Variants in CLSTN2 observed in about 807,000 individuals in gnomAD.
The protein encoded by CLSTN2 is calsyntenin 2, also known as calsyntenin-2.
Under a neutral mutation model 101.2 loss-of-function variants are expected in CLSTN2, and 48 were observed. The ratio of observed to expected loss-of-function variants is 0.47; its 90% CI spans 0.38 to 0.60. CLSTN2 has a LOEUF of 0.60. CLSTN2 is among the 20% of genes least tolerant of loss of function. The pLI, the probability that CLSTN2 is intolerant of heterozygous loss-of-function variation, is 0.00. For missense variants in CLSTN2, 1,160 were observed against 1,238.2 expected, an observed-to-expected ratio of 0.94 and a Z score of 0.95; for synonymous variants, 481 against 463.6, an observed-to-expected ratio of 1.04 and a Z score of -0.48.
At chr3:140,207,422 T>C (rs2010797706) in intron 2 of CLSTN2, among the ~76,000 whole-genome samples, 2 of 152,194 alleles carry the variant, frequency 1.3e-5, no homozygotes, top group Admixed American at 1.3e-4. Context: ...GAAAACTTTG[T>C]GACCTTTAAT....
chr3:140,346,106 C>T (rs993089205), intron 2 of CLSTN2, among the ~76,000 whole-genome samples: 1 of 152,146 alleles, frequency 6.6e-6, no homozygotes, highest in Admixed American at 6.6e-5. Flanking sequence ...AGCCCCAAAC[C>T]CTGCTGTCTC....
At chr3:139,961,338 G>A (rs1474060310) in intron 1 of CLSTN2, among the ~76,000 whole-genome samples, 1 of 152,204 alleles carries the variant, frequency 6.6e-6, no homozygotes, top group Non-Finnish European at 1.5e-5. Flanking sequence ...TTGTGCACGT[G>A]TTTGTGTGTC....
At chr3:139,953,991 G>C (rs1257877295) in intron 1 of CLSTN2, among the ~76,000 whole-genome samples, 1 of 149,718 alleles carries the variant, frequency 6.7e-6, no homozygotes, top group Non-Finnish European at 1.5e-5. Context: ...CTTTTATTTT[G>C]GGTTCAGGGG....
chr3:139,959,953 A>G (rs1420209954), intron 1 of CLSTN2, among the ~76,000 whole-genome samples: 2 of 152,014 alleles, frequency 1.3e-5, no homozygotes, highest in African/African-American at 4.8e-5. Context: ...TGTGTTTTCT[A>G]TCTCAAACGA....
chr3:140,265,202 C>T (rs1337809654), intron 2 of CLSTN2, among the ~76,000 whole-genome samples: 2 of 151,090 alleles, frequency 1.3e-5, no homozygotes, highest in African/African-American at 2.4e-5. Flanking sequence ...ATACTCAGGC[C>T]CTCAACCATG....
intron 2 of CLSTN2, among the ~76,000 whole-genome samples, chr3:140,339,910 G>T (rs2087475504): frequency 6.6e-6 from 1 of 152,170 alleles, no homozygotes; most frequent in Admixed American, 6.5e-5. Context: ...TTTAGAATTG[G>T]ATGTGGGTCC....
chr3:140,339,493 G>T (rs2087471769), intron 2 of CLSTN2, among the ~76,000 whole-genome samples: 1 of 152,148 alleles, frequency 6.6e-6, no homozygotes. Flanking sequence ...TTTCAAATCT[G>T]ACTGTGCATC....
At chr3:139,936,476 G>T (rs548530082) in intron 1 of CLSTN2, among the ~76,000 whole-genome samples, 1 of 152,186 alleles carries the variant, frequency 6.6e-6, no homozygotes, top group Non-Finnish European at 1.5e-5. Context: ...TTGGTTTGTG[G>T]ACTGTGGCCA....
intron 1 of CLSTN2, among the ~76,000 whole-genome samples, chr3:140,083,997 G>T (rs1486418319): frequency 6.6e-6 from 1 of 152,098 alleles, no homozygotes; most frequent in African/African-American, 2.4e-5. Context: ...ACTGGAGATC[G>T]GTAGGAGATA....
At chr3:140,500,334 C>G (rs1425351777) in intron 8 of CLSTN2, among the ~76,000 whole-genome samples, 1 of 152,078 alleles carries the variant, frequency 6.6e-6, no homozygotes, top group Non-Finnish European at 1.5e-5. Flanking sequence ...ATATAGGACC[C>G]AGAAAGAAAG....
intron 8 of CLSTN2, among the ~76,000 whole-genome samples, chr3:140,473,748 T>A (rs901150887): frequency 1.3e-5 from 2 of 151,468 alleles, no homozygotes; most frequent in Admixed American, 6.6e-5. Flanking sequence ...TTTTGTGTTT[T>A]TTTTTTGTTG....
At chr3:140,169,597 A>G (rs2010182663) in intron 1 of CLSTN2, among the ~76,000 whole-genome samples, 1 of 152,182 alleles carries the variant, frequency 6.6e-6, no homozygotes, top group Non-Finnish European at 1.5e-5. Flanking sequence ...TATTAGCTAT[A>G]GGTTTTTGTA....
intron 2 of CLSTN2, among the ~76,000 whole-genome samples, chr3:140,277,597 A>T (rs561668286): frequency 1.3e-5 from 2 of 152,220 alleles, no homozygotes; most frequent in Non-Finnish European, 2.9e-5. Context: ...TCTGCACTGC[A>T]TGCTGCATAA....
chr3:139,991,460 T>A (rs551902892), intron 1 of CLSTN2, among the ~76,000 whole-genome samples: 1 of 152,230 alleles, frequency 6.6e-6, no homozygotes, highest in Non-Finnish European at 1.5e-5. Flanking sequence ...CTTATAGCAG[T>A]TCCCGAGAAA....
chr3:140,012,931 C>T (rs538741704), intron 1 of CLSTN2, among the ~76,000 whole-genome samples: 1,597 of 33,110 alleles, frequency 0.048, 33 homozygotes, highest in African/African-American at 0.071. Context: ...TATGGCTGGA[C>T]ACAGAGACAT....
At chr3:140,368,112 G>T (rs1261235635) in intron 2 of CLSTN2, among the ~76,000 whole-genome samples, 2 of 152,180 alleles carry the variant, frequency 1.3e-5, no homozygotes, top group Admixed American at 1.3e-4. Flanking sequence ...CAATCACTGT[G>T]CACAGGGAGT....
At chr3:140,495,126 G>A (rs1299175947) in intron 8 of CLSTN2, among the ~76,000 whole-genome samples, 1 of 152,070 alleles carries the variant, frequency 6.6e-6, no homozygotes, top group Admixed American at 6.5e-5. Flanking sequence ...TCAGCATCTG[G>A]TGTTTCTGGA....
At chr3:139,969,482 C>T (rs1289198610) in intron 1 of CLSTN2, among the ~76,000 whole-genome samples, 1 of 152,182 alleles carries the variant, frequency 6.6e-6, no homozygotes, top group Non-Finnish European at 1.5e-5. Context: ...ACAATCTTGT[C>T]ACTGCCAGTT....
chr3:140,180,555 C>T (rs2107831350), intron 2 of CLSTN2, among the ~76,000 whole-genome samples: 1 of 152,272 alleles, frequency 6.6e-6, no homozygotes, highest in East Asian at 1.9e-4. Flanking sequence ...AAGCTGGGCA[C>T]ACCATGAACT....
Sources: gnomAD v4.1 joint callset for allele counts (sites outside exome capture counted in the v4.1 genomes callset) on GRCh38, gnomAD v4.1.1 for gene constraint, MANE v1.5 for transcripts, NCBI Gene and HGNC (gene_info 2026-07-23, HGNC 2026-07-21) for gene names.